The following AGBL4 variants were observed in gnomAD, a reference collection of about 807,000 sequenced individuals.
The protein encoded by AGBL4 is AGBL carboxypeptidase 4, also known as cytosolic carboxypeptidase 6.
Under a neutral mutation model 66.4 loss-of-function variants are expected in AGBL4, and 58 were observed. That is an observed-to-expected ratio of 0.87 (90% CI 0.71 to 1.09). AGBL4 has a LOEUF of 1.09. AGBL4 is among the 50% of genes least tolerant of loss of function. The pLI, the probability that AGBL4 is intolerant of heterozygous loss-of-function variation, is 0.00. For synonymous variants in AGBL4, 234 were observed against 222.9 expected (o/e 1.05, Z -0.44); for missense variants, 579 against 631.0 (o/e 0.92, Z 0.88).
chr1:48,797,167 A>G (rs1183426030), intron 6 of AGBL4, among the ~76,000 whole-genome samples: 2 of 152,214 alleles, frequency 1.3e-5, no homozygotes. Flanking sequence ...TTCAGACCCA[A>G]AAACCCTTGT....
chr1:48,591,090 A>AT, intron 9 of AGBL4, 105 bp from the exon 10 acceptor site: 1 of 525,624 alleles, frequency 1.9e-6, no homozygotes, highest in East Asian at 3.6e-5. Context: ...ACACCCACCC[A>AT]CCCCCCCCCA....
chr1:48,845,181 CT>C (rs112625644), intron 6 of AGBL4, among the ~76,000 whole-genome samples: 3 of 151,974 alleles, frequency 2.0e-5, no homozygotes, highest in East Asian at 1.9e-4. Flanking sequence ...AAAAAATTAG[CT>C]TTTTTTTCAG....
chr1:49,045,061 C>CA (rs1644044101), intron 5 of AGBL4, among the ~76,000 whole-genome samples: 1 of 152,110 alleles, frequency 6.6e-6, no homozygotes, highest in African/African-American at 2.4e-5. Flanking sequence ...AAACCTGGAG[C>CA]AGGAAAAAAC....
At chr1:48,972,506 TC>T (rs1051039703) in intron 5 of AGBL4, among the ~76,000 whole-genome samples, 12 of 152,278 alleles carry the variant, frequency 7.9e-5, no homozygotes, top group Admixed American at 6.5e-4. Context: ...TCATTCTCAA[TC>T]CCGTGGGGTA....
intron 1 of AGBL4, among the ~76,000 whole-genome samples, chr1:49,937,159 T>C (rs1239741504): frequency 1.3e-5 from 2 of 151,008 alleles, no homozygotes; most frequent in African/African-American, 2.4e-5. Flanking sequence ...ACCAAGCAAA[T>C]GGAAAACAAA....
At chr1:49,587,072 C>T (rs1435125685) in intron 3 of AGBL4, among the ~76,000 whole-genome samples, 1 of 151,944 alleles carries the variant, frequency 6.6e-6, no homozygotes, top group Admixed American at 6.6e-5. Flanking sequence ...GGTGAATCCT[C>T]GTCTCTGATA....
chr1:48,971,754 C>G (rs528530511), intron 5 of AGBL4, among the ~76,000 whole-genome samples: 52 of 152,060 alleles, frequency 3.4e-4, no homozygotes, highest in Non-Finnish European at 6.0e-4. Context: ...ATTATCAATG[C>G]CCATGGAATC....
intron 1 of AGBL4, among the ~76,000 whole-genome samples, chr1:49,975,660 C>T (rs977081393): frequency 3.0e-4 from 46 of 152,142 alleles, no homozygotes; most frequent in African/African-American, 9.2e-4. Flanking sequence ...CATTTGAAAT[C>T]GTAGCTCTAA....
At chr1:49,699,655 A>G (rs536801657) in intron 2 of AGBL4, among the ~76,000 whole-genome samples, 45 of 151,996 alleles carry the variant, frequency 3.0e-4, no homozygotes, top group Non-Finnish European at 8.8e-5. Context: ...AAAATATTGC[A>G]TGACTTGACT....
chr1:49,904,485 T>C (rs570150240), intron 1 of AGBL4, among the ~76,000 whole-genome samples: 1 of 152,252 alleles, frequency 6.6e-6, no homozygotes, highest in South Asian at 2.1e-4. Context: ...GGAAAAATAA[T>C]CATTTCATCA....
intron 3 of AGBL4, among the ~76,000 whole-genome samples, chr1:49,586,350 T>G (rs1268221330): frequency 6.6e-6 from 1 of 152,204 alleles, no homozygotes; most frequent in African/African-American, 2.4e-5. Flanking sequence ...GCAAGTTTCT[T>G]TGCTCGGTAA....
chr1:48,532,366 T>C (rs1317813822), downstream of AGBL4, among the ~76,000 whole-genome samples: 2 of 152,166 alleles, frequency 1.3e-5, no homozygotes, highest in Admixed American at 6.5e-5. Context: ...ATTAAAGAAA[T>C]AGAAGTAGGG....
At chr1:48,793,843 G>C (rs946451959) in intron 6 of AGBL4, among the ~76,000 whole-genome samples, 8 of 152,184 alleles carry the variant, frequency 5.3e-5, no homozygotes, top group Admixed American at 5.2e-4. Flanking sequence ...AAAGTCATCA[G>C]TTAGAGAATA....
rs74761887 is a variant in AGBL4, at chr1:49,670,689, C to T, written c.282+26624G>A. On this transcript the variant is annotated intron_variant, in intron 3 of 13. Coordinates refer to ENST00000371839, the MANE Select transcript of AGBL4 (RefSeq NM_032785.4). ...GGTCCATTGGCAAGAGGGTAGAAAT[C>T]TTATGGGCCTGAGGTATTTGAGCAC... Among the ~76,000 whole-genome samples the T allele has an allele frequency of 8.7e-3, 1,321 of 152,234 alleles. 16 individuals carry two copies. Among genetic ancestry groups the T allele is most frequent in the African/African-American group, 0.03 (1,266 of 41,544 alleles).
At chr1:49,548,257 G>A (rs1437494370) in intron 3 of AGBL4, among the ~76,000 whole-genome samples, 3 of 152,156 alleles carry the variant, frequency 2.0e-5, no homozygotes, top group Non-Finnish European at 2.9e-5. Flanking sequence ...AACAGTGACC[G>A]TTTGACTTCC....
At chr1:49,917,469 G>C (rs1256991811) in intron 1 of AGBL4, among the ~76,000 whole-genome samples, 1 of 151,856 alleles carries the variant, frequency 6.6e-6, no homozygotes, top group African/African-American at 2.4e-5. Flanking sequence ...AACCAACAAA[G>C]ATCAAAAGAG....
At chr1:48,758,176 T>C (rs954086492) in intron 6 of AGBL4, among the ~76,000 whole-genome samples, 2 of 152,220 alleles carry the variant, frequency 1.3e-5, no homozygotes, top group Non-Finnish European at 2.9e-5. Context: ...TTTATATTCA[T>C]CTTCCTAAGG....
Position 49,501,330 on chromosome 1 carries a change from G to T in AGBL4, c.282+195983C>A, listed in dbSNP as rs573737315. Among the ~76,000 whole-genome samples the T allele has an allele frequency of 2.6e-5, 4 of 152,112 alleles. No homozygotes were observed. The East Asian group carries it at 5.8e-4, about 22-fold the overall frequency. ...GTTTTACTCCAAAAGAATTTCCTTT[G>T]CTCTGGCTGGTGGTTATTGGAGTGA... On this transcript the variant is annotated intron_variant, in intron 3 of 13. Coordinates refer to ENST00000371839, the MANE Select transcript of AGBL4 (RefSeq NM_032785.4).
intron 6 of AGBL4, among the ~76,000 whole-genome samples, chr1:48,699,279 T>C (rs1245938818): frequency 6.6e-6 from 1 of 152,260 alleles, no homozygotes; most frequent in Admixed American, 6.5e-5. Flanking sequence ...CCCTGAGTTT[T>C]GTTCTCTGTA....
Sources: gnomAD v4.1 joint callset for allele counts (sites outside exome capture counted in the v4.1 genomes callset) on GRCh38, gnomAD v4.1.1 for gene constraint, MANE v1.5 for transcripts, NCBI Gene and HGNC (gene_info 2026-07-23, HGNC 2026-07-21) for gene names.